The following ALK variants were observed in gnomAD, a reference collection of about 807,000 sequenced individuals.
ALK encodes ALK tyrosine kinase receptor.
ALK carries 74 observed loss-of-function variants against 163.1 expected under a neutral mutation model. The ratio of observed to expected loss-of-function variants is 0.45; its 90% CI spans 0.38 to 0.55. The LOEUF (loss-of-function observed/expected upper bound fraction) is 0.55, where lower values mean the gene tolerates loss of function less well. ALK is among the 20% of genes least tolerant of loss of function. The pLI is 0.00. For synonymous variants in ALK, 960 were observed against 843.2 expected (o/e 1.14, Z -2.40); for missense variants, 2,063 against 2,105.3 (o/e 0.98, Z 0.39).
At chr2:29,827,739 G>A (rs1268645915) in intron 1 of ALK, among the ~76,000 whole-genome samples, 1 of 152,108 alleles carries the variant, frequency 6.6e-6, no homozygotes, top group Non-Finnish European at 1.5e-5. Context: ...TGGCCATACT[G>A]CCCAAGGTAA....
chr2:29,905,874 T>C (rs950151338), intron 1 of ALK, among the ~76,000 whole-genome samples: 4 of 152,192 alleles, frequency 2.6e-5, no homozygotes, highest in Admixed American at 6.5e-5. Flanking sequence ...ACAGAACAGA[T>C]TGAGACCGCT....
At chr2:29,782,350 T>A (rs1278297049) in intron 1 of ALK, among the ~76,000 whole-genome samples, 1 of 152,082 alleles carries the variant, frequency 6.6e-6, no homozygotes, top group East Asian at 1.9e-4. Context: ...TGGGACTCCA[T>A]CCAACTTGCT....
At chr2:29,491,481 T>C (rs2148125201) in intron 4 of ALK, among the ~76,000 whole-genome samples, 1 of 152,152 alleles carries the variant, frequency 6.6e-6, no homozygotes, top group Non-Finnish European at 1.5e-5. Context: ...TCCTTATTCA[T>C]CCAGCAGGTA....
rs182914124 is a variant in ALK, at chr2:29,911,860, C to G, written c.667+8133G>C. On this transcript the variant is annotated intron_variant, in intron 1 of 28. Coordinates refer to ENST00000389048, the MANE Select transcript of ALK (RefSeq NM_004304.5). ...GGAATTATCAAAGACGTGAAAGAAG[C>G]TGTTATGACCATGTCCCATAAGGTG... Among the ~76,000 whole-genome samples the G allele has an allele frequency of 3.3e-5, 5 of 152,248 alleles. No homozygotes were observed. The East Asian group carries it at 9.6e-4, about 29-fold the overall frequency.
chr2:29,429,751 T>G (rs542374933), intron 4 of ALK, among the ~76,000 whole-genome samples: 1 of 152,222 alleles, frequency 6.6e-6, no homozygotes, highest in East Asian at 1.9e-4. Flanking sequence ...TATAAAATTT[T>G]CGAGGGACCC....
chr2:29,226,925 T>C lies in ALK; in HGVS notation c.3064A>G (p.Ile1022Val). ...TCCCCTGGCCCTGCCCCCTTACCAA[T>C]GCAGGAGACGCCATCCTCAGCCAGC... ...TVLAEDGVSC[I>V]VSPTPEPHLP... The change falls in exon 18 of 29, where the codon ATT becomes GTT. Residue 1022 changes from isoleucine (I) to valine (V), a missense_variant. Physicochemically the swap from Ile to Val is conservative, Grantham distance 29. Transcript: ENST00000389048. The C allele has an allele frequency of 6.2e-7, 1 of 1,614,090 alleles. No individual in the cohort carries two copies. Among genetic ancestry groups the C allele is most frequent in the Non-Finnish European group, 8.5e-7 (1 of 1,180,016 alleles).
intron 1 of ALK, among the ~76,000 whole-genome samples, chr2:29,779,498 G>C (rs575326493): frequency 6.6e-6 from 1 of 152,194 alleles, no homozygotes; most frequent in Admixed American, 6.5e-5. Context: ...TCCTGAGTCC[G>C]AATTCAAGCC....
chr2:29,893,032 G>A lies in ALK; in HGVS notation c.667+26961C>T, dbSNP rs376290002. Among the ~76,000 whole-genome samples the A allele has an allele frequency of 9.2e-5, 14 of 152,264 alleles. 1 individual carries two copies. The highest frequency in any genetic ancestry group is 3.4e-4 in the African/African-American group (14 of 41,556). Reference sequence around the variant, plus strand: ...TTAGGGCACAGTACTGCCTTGCGCTGGCCATAATGTTTCCCTCCTTGATTT... The same window carrying A: ...TTAGGGCACAGTACTGCCTTGCGCTAGCCATAATGTTTCCCTCCTTGATTT... On this transcript the variant is annotated intron_variant, in intron 1 of 28. Coordinates refer to ENST00000389048, the MANE Select transcript of ALK (RefSeq NM_004304.5).
At chr2:29,612,543 C>T (rs149689045) in intron 3 of ALK, among the ~76,000 whole-genome samples, 42 of 152,298 alleles carry the variant, frequency 2.8e-4, no homozygotes, top group African/African-American at 9.4e-4. Context: ...AACCGTCCTA[C>T]CCAGAAGAGA....
At chr2:29,696,191 A>G (rs1026001346) in intron 2 of ALK, among the ~76,000 whole-genome samples, 1 of 152,232 alleles carries the variant, frequency 6.6e-6, no homozygotes, top group Non-Finnish European at 1.5e-5. Flanking sequence ...ACACCATGGA[A>G]TATTATGCAG....
In ALK at chr2:29,781,572, C is replaced by T. The variant is rs577580663; in HGVS notation, c.668-63875G>A. Among the ~76,000 whole-genome samples, 5 of 152,302 alleles carry T rather than the reference C, an allele frequency of 3.3e-5. No homozygotes were observed. The East Asian group carries it at 9.6e-4, about 29-fold the overall frequency. On this transcript the variant is annotated intron_variant, in intron 1 of 28. Coordinates refer to ENST00000389048, the MANE Select transcript of ALK (RefSeq NM_004304.5). ...AAATCATTACAATGTGCGAAGCAAACAAAGAATCTGTCTCACCCACATAAA... is the reference window on the plus strand; with the variant it reads ...AAATCATTACAATGTGCGAAGCAAATAAAGAATCTGTCTCACCCACATAAA...
At chr2:29,719,081 C>G (rs1258170314) in intron 1 of ALK, among the ~76,000 whole-genome samples, 1 of 152,206 alleles carries the variant, frequency 6.6e-6, no homozygotes, top group African/African-American at 2.4e-5. Flanking sequence ...TTTCCAGACC[C>G]CTCCACTATT....
At chr2:29,448,169 C>T (rs531181629) in intron 4 of ALK, among the ~76,000 whole-genome samples, 1 of 152,088 alleles carries the variant, frequency 6.6e-6, no homozygotes, top group South Asian at 2.1e-4. Flanking sequence ...GGACACAGTT[C>T]GAATCAAATC....
At chr2:29,419,246 G>A (rs191697438) in intron 4 of ALK, among the ~76,000 whole-genome samples, 1 of 151,288 alleles carries the variant, frequency 6.6e-6, no homozygotes, top group African/African-American at 2.5e-5. Flanking sequence ...GTAGAGACAG[G>A]GTTTCACCAT....
chr2:29,569,192 C>T (rs763028686), intron 3 of ALK, among the ~76,000 whole-genome samples: 80 of 152,172 alleles, frequency 5.3e-4, no homozygotes, highest in Non-Finnish European at 9.8e-4. Context: ...GGCTCATCAT[C>T]CTGCCCGTCT....
intron 1 of ALK, among the ~76,000 whole-genome samples, chr2:29,833,752 A>G (rs1391874170): frequency 6.6e-6 from 1 of 152,234 alleles, no homozygotes; most frequent in Admixed American, 6.5e-5. Context: ...TAGATTCAGG[A>G]TTGGAGCCCA....
chr2:29,705,282 A>ATATATATATATATATATAT (rs1558451342), intron 2 of ALK, among the ~76,000 whole-genome samples: 2 of 34,102 alleles, frequency 5.9e-5, no homozygotes, highest in African/African-American at 1.2e-4. Flanking sequence ...TATATATATA[A>ATATATATATATATATATAT]ATATATATCT....
At chr2:29,219,648 A>G (rs186978426) in intron 23 of ALK, among the ~76,000 whole-genome samples, 43 of 152,338 alleles carry the variant, frequency 2.8e-4, no homozygotes, top group Non-Finnish European at 4.6e-4. Context: ...AGACCCAAGC[A>G]TGGGCAGCTG....
chr2:29,725,597 A>T (rs1679547478), intron 1 of ALK, among the ~76,000 whole-genome samples: 1 of 151,878 alleles, frequency 6.6e-6, no homozygotes, highest in Non-Finnish European at 1.5e-5. Context: ...TTTCACTCAC[A>T]CAACTTAAGT....
Sources: gnomAD v4.1 joint callset for allele counts (sites outside exome capture counted in the v4.1 genomes callset) on GRCh38, gnomAD v4.1.1 for gene constraint, MANE v1.5 for transcripts, NCBI Gene and HGNC (gene_info 2026-07-23, HGNC 2026-07-21) for gene names.